The following PDE1C variants were observed in gnomAD, a reference collection of about 807,000 sequenced individuals.
The protein encoded by PDE1C is dual specificity calcium/calmodulin-dependent 3',5'-cyclic nucleotide phosphodiesterase 1C.
In PDE1C, 62 loss-of-function variants were observed where a neutral mutation model predicts 93.1. The observed-to-expected ratio is 0.67, with a 90% CI of 0.54 to 0.82. PDE1C has a LOEUF of 0.82. Among genes scored for constraint, PDE1C ranks in the 40% least tolerant of loss-of-function variants. The probability of loss-of-function intolerance (pLI) is 0.00; values close to 1 mark genes in which losing one functional copy is unlikely to be tolerated. For synonymous variants in PDE1C, 325 were observed against 310.1 expected, an observed-to-expected ratio of 1.05 and a Z score of -0.50; for missense variants, 742 against 884.6, an observed-to-expected ratio of 0.84 and a Z score of 2.04.
the PDE1C span, among the ~76,000 whole-genome samples, chr7:31,694,678 G>C: frequency 6.1e-3 from 927 of 152,260 alleles, 8 homozygotes; most frequent in African/African-American, 0.021. Context: ...GTGAACCATT[G>C]CTGAAACAAT....
chr7:32,220,477 C>A (rs1317045745), intron 1 of PDE1C, among the ~76,000 whole-genome samples: 2 of 152,206 alleles, frequency 1.3e-5, no homozygotes, highest in Non-Finnish European at 2.9e-5. Flanking sequence ...GAGCCCCTTT[C>A]TTCTCTTTTC....
At chr7:32,325,526 C>T (rs1309243997) in intron 1 of PDE1C, among the ~76,000 whole-genome samples, 2 of 152,218 alleles carry the variant, frequency 1.3e-5, no homozygotes, top group South Asian at 4.1e-4. Flanking sequence ...TTCCTCTGTT[C>T]TACGTTTTCC....
At chr7:31,623,194 A>C in the PDE1C span, among the ~76,000 whole-genome samples, 1 of 152,320 alleles carries the variant, frequency 6.6e-6, no homozygotes, top group African/African-American at 2.4e-5. Flanking sequence ...AACTGGTACC[A>C]TTCCTTCTGA....
At chr7:32,405,703 G>T (rs1457259996) in intron 1 of PDE1C, among the ~76,000 whole-genome samples, 1 of 152,162 alleles carries the variant, frequency 6.6e-6, no homozygotes, top group African/African-American at 2.4e-5. Flanking sequence ...TAAAACCTGG[G>T]TTACTGAGAT....
intron 2 of PDE1C, among the ~76,000 whole-genome samples, chr7:31,924,203 T>G (rs1356474995): frequency 6.6e-6 from 1 of 152,222 alleles, no homozygotes; most frequent in African/African-American, 2.4e-5. Flanking sequence ...TCCTTCATTC[T>G]CTTTAAGACT....
chr7:31,851,089 C>T (rs796871247), intron 7 of PDE1C, among the ~76,000 whole-genome samples: 212 of 12,452 alleles, frequency 0.017, 2 homozygotes, highest in Middle Eastern at 0.083. Context: ...CACACACACA[C>T]ACACACACAC....
chr7:31,719,852 C>T, the PDE1C span, among the ~76,000 whole-genome samples: 342 of 152,266 alleles, frequency 2.2e-3, no homozygotes, highest in Non-Finnish European at 4.4e-3. Context: ...AGGAAAGCAT[C>T]TTGTTTCTAT....
intron 3 of PDE1C, among the ~76,000 whole-genome samples, chr7:32,167,504 G>A (rs543097128): frequency 6.6e-6 from 1 of 152,214 alleles, no homozygotes; most frequent in South Asian, 2.1e-4. Flanking sequence ...ATTTCACTGA[G>A]GTCAGAAAGT....
chr7:31,659,934 C>T, the PDE1C span, among the ~76,000 whole-genome samples: 6 of 152,134 alleles, frequency 3.9e-5, no homozygotes, highest in African/African-American at 7.2e-5. Flanking sequence ...CCACATGTCA[C>T]GGAGGGAACC....
chr7:31,857,135 G>C (rs1291232606), intron 7 of PDE1C, among the ~76,000 whole-genome samples: 2 of 152,138 alleles, frequency 1.3e-5, no homozygotes, highest in African/African-American at 4.8e-5. Flanking sequence ...CTGGGGACTA[G>C]GATGTCAATA....
chr7:31,748,404 G>A (rs559554862), downstream of PDE1C, among the ~76,000 whole-genome samples: 35 of 152,300 alleles, frequency 2.3e-4, 1 homozygote, highest in South Asian at 6.4e-3. Context: ...TATAAGCTTG[G>A]CTCAGCTGAA....
the PDE1C span, among the ~76,000 whole-genome samples, chr7:31,728,334 G>A: frequency 2.6e-5 from 4 of 152,170 alleles, no homozygotes; most frequent in African/African-American, 7.2e-5. Context: ...TTTCTCTAAT[G>A]GGTGAAGACA....
chr7:32,238,339 T>C (rs1247270073), intron 1 of PDE1C, among the ~76,000 whole-genome samples: 1 of 152,168 alleles, frequency 6.6e-6, no homozygotes, highest in Non-Finnish European at 1.5e-5. Flanking sequence ...TATTAAAAGA[T>C]AGTAAAGAAG....
chr7:32,108,316 G>C (rs916766851), intron 3 of PDE1C, among the ~76,000 whole-genome samples: 1 of 148,202 alleles, frequency 6.7e-6, no homozygotes, highest in Non-Finnish European at 1.5e-5. Flanking sequence ...CCTTCATTGA[G>C]AGAAGGGAAT....
At chr7:31,853,153 CCTAT>C (rs1398467663) in intron 7 of PDE1C, among the ~76,000 whole-genome samples, 2 of 152,070 alleles carry the variant, frequency 1.3e-5, no homozygotes, top group Non-Finnish European at 2.9e-5. Context: ...TGAACAAAAT[CCTAT>C]CTTAGATATA....
At chr7:32,299,593 A>G (rs1308681581), upstream of PDE1C, among the ~76,000 whole-genome samples, 2 of 152,220 alleles carry the variant, frequency 1.3e-5, no homozygotes, top group Non-Finnish European at 2.9e-5. Flanking sequence ...TACCAATCCC[A>G]TAGCTGACGC....
At chr7:32,381,516 C>G (rs758018991) in intron 1 of PDE1C, among the ~76,000 whole-genome samples, 3 of 152,124 alleles carry the variant, frequency 2.0e-5, no homozygotes, top group African/African-American at 7.2e-5. Flanking sequence ...GCTGGCTCAC[C>G]CACTCCAGCA....
At chr7:32,342,664 C>A (rs1783780256) in intron 1 of PDE1C, among the ~76,000 whole-genome samples, 2 of 152,102 alleles carry the variant, frequency 1.3e-5, no homozygotes, top group Admixed American at 1.3e-4. Context: ...AGCAAGATCA[C>A]CTAAATTTAA....
intron 1 of PDE1C, among the ~76,000 whole-genome samples, chr7:32,316,947 A>G (rs1351222701): frequency 6.6e-6 from 1 of 152,158 alleles, no homozygotes; most frequent in Admixed American, 6.5e-5. Flanking sequence ...CTCTTTCCTC[A>G]TGTGTCACCT....
Sources: gnomAD v4.1 joint callset for allele counts (sites outside exome capture counted in the v4.1 genomes callset) on GRCh38, gnomAD v4.1.1 for gene constraint, MANE v1.5 for transcripts, NCBI Gene and HGNC (gene_info 2026-07-23, HGNC 2026-07-21) for gene names.